The following SYNE1 variants were observed in gnomAD, a reference collection of about 807,000 sequenced individuals.
The protein encoded by SYNE1 is spectrin repeat containing nuclear envelope protein 1.
Under a neutral mutation model 1,111.0 loss-of-function variants are expected in SYNE1, and 616 were observed. The observed-to-expected ratio is 0.55, with a 90% CI of 0.52 to 0.59. The LOEUF is 0.59. Among genes scored for constraint, SYNE1 ranks in the 20% least tolerant of loss-of-function variants. The probability of loss-of-function intolerance (pLI) is 0.00; values close to 1 mark genes in which losing one functional copy is unlikely to be tolerated. For synonymous variants in SYNE1, 3,855 were observed against 3,825.8 expected, an observed-to-expected ratio of 1.01 and a Z score of -0.28; for missense variants, 10,006 against 10,417.0, an observed-to-expected ratio of 0.96 and a Z score of 1.72.
chr6:152,295,996 C>G (rs2094861413), intron 93 of SYNE1, among the ~76,000 whole-genome samples: 1 of 152,196 alleles, frequency 6.6e-6, no homozygotes, highest in Non-Finnish European at 1.5e-5. Flanking sequence ...CACACAGGCT[C>G]CATCCTAATT....
chr6:152,197,121 GGCT>G (rs1030284419), intron 127 of SYNE1, among the ~76,000 whole-genome samples: 3 of 152,158 alleles, frequency 2.0e-5, no homozygotes, highest in African/African-American at 7.2e-5. Context: ...CGTGCCATGT[GGCT>G]GCTGCTGGGG....
chr6:152,598,784 C>T (rs1727070), intron 3 of SYNE1, among the ~76,000 whole-genome samples: 64,197 of 152,030 alleles, frequency 0.42, 14,331 homozygotes, highest in East Asian at 0.6. Context: ...TATAAATATA[C>T]ATTCAATATG....
chr6:152,167,889 T>C (rs776969605), intron 130 of SYNE1: 24 of 738,408 alleles, frequency 3.3e-5, no homozygotes, highest in Non-Finnish European at 6.1e-5. Context: ...CATAATAAAG[T>C]CCATTAACCT....
chr6:152,439,496 T>C (rs2098507986), intron 32 of SYNE1, among the ~76,000 whole-genome samples: 1 of 152,182 alleles, frequency 6.6e-6, no homozygotes. Context: ...CCCAAAGTTT[T>C]AGGATTACAG....
chr6:152,164,172 A>C lies in SYNE1; in HGVS notation c.23781T>G (p.Asn7927Lys). 1 of 1,614,136 alleles carries C rather than the reference A, an allele frequency of 6.2e-7. No homozygotes were observed. The highest frequency in any genetic ancestry group is 8.5e-7 in the Non-Finnish European group (1 of 1,180,014). ...CNSEEIQRKL[N>K]EQQELQRDIE... ...CCATTTTAAGTCTTACCTGCTGCTC[A>C]TTAAGCTTTCTCTGTATTTCTTCCG... Residue 7927 changes from asparagine to lysine, a missense_variant, in exon 131 of 146, where the codon AAT becomes AAG. Around this residue, in one of 7 missense-constraint regions of SYNE1, gnomAD observed 2,182 missense variants for 2,287.8 expected, o/e 0.95. Coordinates refer to ENST00000367255, the MANE Select transcript of SYNE1 (RefSeq NM_182961.4).
intron 91 of SYNE1, 132 bp downstream of exon 91, chr6:152,308,357 G>A: frequency 2.4e-6 from 3 of 1,274,506 alleles, no homozygotes; most frequent in Non-Finnish European, 3.3e-6. Flanking sequence ...GATAGCCAAA[G>A]AGGCCTCTCA....
At chr6:152,429,086 GTAATAATAATAATAA>G (rs3046242) in intron 36 of SYNE1, among the ~76,000 whole-genome samples, 5 of 144,688 alleles carry the variant, frequency 3.5e-5, no homozygotes, top group African/African-American at 5.1e-5. Flanking sequence ...TATCTCAATA[GTAATAATAATAATAA>G]TAATAATAAT....
intron 51 of SYNE1, among the ~76,000 whole-genome samples, chr6:152,394,758 A>G (rs1483593365): frequency 6.6e-6 from 1 of 151,288 alleles, no homozygotes; most frequent in African/African-American, 2.4e-5. Flanking sequence ...GGAAATTGAC[A>G]TATACAGTAC....
chr6:152,146,488 A>G (rs1047981171), intron 137 of SYNE1: 4 of 152,220 alleles, frequency 2.6e-5, no homozygotes, highest in Non-Finnish European at 5.9e-5. Flanking sequence ...GCACAGTCCC[A>G]TCTCAGAGCT....
intron 39 of SYNE1, 80 bp downstream of exon 39, chr6:152,425,301 A>T: frequency 6.7e-7 from 1 of 1,491,796 alleles, no homozygotes; most frequent in African/African-American, 1.4e-5. Flanking sequence ...AAAGTAAACA[A>T]AACTATGCTT....
At position 152,352,370 on chromosome 6, in the gene SYNE1, G is replaced by A. The variant is rs778849887; in HGVS notation, c.11254-17C>T. 1.2e-5 allele frequency: 20 copies of A among 1,611,548 alleles called. No homozygotes were observed. The highest frequency in any genetic ancestry group is 1.1e-5 in the South Asian group (1 of 90,968). On this transcript the variant is annotated splice_polypyrimidine_tract_variant and intron_variant, in intron 69 of 145. Transcript: ENST00000367255. ...GAGCAAAACCTGAAAAAGAGAGTGA[G>A]TAGGAGCAAAGGTAGTCTTGTTTCT...
intron 81 of SYNE1, 46 bp downstream of exon 81, chr6:152,325,038 T>C: frequency 6.2e-7 from 1 of 1,601,688 alleles, no homozygotes; most frequent in Non-Finnish European, 8.5e-7. Context: ...AAATACATTA[T>C]AATTAGTGAG....
Position 152,359,355 on chromosome 6 carries a change from T to A in SYNE1, c.10403A>T (p.Asp3468Val). The change falls in exon 65 of 146, where the codon GAT becomes GTT. Residue 3468 changes from aspartate to valine, a missense_variant. Asp to Val is a radical substitution (Grantham distance 152). Coordinates refer to ENST00000367255, the MANE Select transcript of SYNE1 (RefSeq NM_182961.4). ...EHYVTQLELQ[D>V]LQERYRAIQE... Reference sequence around the variant, plus strand: ...GATGGCTCTGTATCGTTCCTGTAGATCCTGGAGTTCTAGCTGGGTGACATA... The same window carrying A: ...GATGGCTCTGTATCGTTCCTGTAGAACCTGGAGTTCTAGCTGGGTGACATA... 1 of 1,614,190 alleles carries A rather than the reference T, an allele frequency of 6.2e-7. No individual in the cohort carries two copies.
chr6:152,310,863 T>C lies in SYNE1; in HGVS notation c.16721A>G (p.Glu5574Gly), dbSNP rs757139861. 6 of 1,613,650 alleles carry C rather than the reference T, an allele frequency of 3.7e-6. No individual in the cohort carries two copies. The South Asian group carries it at 4.4e-5, about 12-fold the overall frequency. The change falls in exon 88 of 146, where the codon GAA becomes GGA. Residue 5574 changes from glutamate to glycine, a missense_variant. Physicochemically the swap from Glu to Gly is moderately conservative, Grantham distance 98 (BLOSUM62 -2). This residue lies in a region of SYNE1 where 4,955 missense variants were observed against 5,017.2 expected (regional missense o/e 0.99). Transcript: ENST00000367255. Reference sequence around the variant, plus strand: ...CTCACTGTCAATTTCTTTGGATTCTTCTAGCAGGGTCTAGAGTGAATTGTC... The same window carrying C: ...CTCACTGTCAATTTCTTTGGATTCTCCTAGCAGGGTCTAGAGTGAATTGTC... ...EQYILHQTLLEESKEIDSELE... is the reference protein window; with the variant it reads ...EQYILHQTLLGESKEIDSELE...
intron 91 of SYNE1, among the ~76,000 whole-genome samples, chr6:152,305,113 T>C (rs2095330752): frequency 6.6e-6 from 1 of 152,178 alleles, no homozygotes; most frequent in Admixed American, 6.5e-5. Context: ...GAGTGGCCGC[T>C]AGAAGACAAG....
At chr6:152,256,608 C>G (rs757330586) in intron 102 of SYNE1, 26 bp downstream of exon 102, 16 of 1,612,750 alleles carry the variant, frequency 9.9e-6, no homozygotes, top group Middle Eastern at 3.3e-4. Context: ...TAAACCAAGC[C>G]AAACACACTG....
intron 3 of SYNE1, among the ~76,000 whole-genome samples, chr6:152,555,410 G>T (rs149045516): frequency 9.2e-5 from 14 of 152,134 alleles, no homozygotes; most frequent in Non-Finnish European, 2.1e-4. Context: ...ACAGTGTTCA[G>T]TACAGTAAAA....
chr6:152,229,846 C>T (rs572980018), intron 115 of SYNE1, among the ~76,000 whole-genome samples: 3 of 151,702 alleles, frequency 2.0e-5, no homozygotes, highest in Admixed American at 1.3e-4. Flanking sequence ...TAAAGACAAC[C>T]GAGGAAATAG....
At chr6:152,568,272 T>A (rs2099424940) in intron 3 of SYNE1, among the ~76,000 whole-genome samples, 1 of 146,740 alleles carries the variant, frequency 6.8e-6, no homozygotes, top group Non-Finnish European at 1.5e-5. Flanking sequence ...TGAGTTAAAT[T>A]TTTATTTTAT....
Sources: gnomAD v4.1 joint callset for allele counts (sites outside exome capture counted in the v4.1 genomes callset) on GRCh38, gnomAD v4.1.1 for gene constraint, gnomAD v4.1.1 regional missense constraint, MANE v1.5 for transcripts, NCBI Gene and HGNC (gene_info 2026-07-23, HGNC 2026-07-21) for gene names.